Variants in SMAP1 observed in about 807,000 individuals in gnomAD.
SMAP1 encodes the protein small ArfGAP 1.
Under a neutral mutation model 58.5 loss-of-function variants are expected in SMAP1, and 24 were observed. The observed-to-expected ratio is 0.41, with a 90% confidence interval of 0.30 to 0.58. SMAP1 has a LOEUF of 0.58. Ranked by LOEUF, SMAP1 falls within the 20% of genes least tolerant of loss-of-function variation. The probability of loss-of-function intolerance (pLI) is 0.29; values close to 1 mark genes in which losing one functional copy is unlikely to be tolerated. For missense variants in SMAP1, 563 were observed against 566.3 expected, an observed-to-expected ratio of 0.99 and a Z score of 0.06; for synonymous variants, 216 against 196.6, an observed-to-expected ratio of 1.10 and a Z score of -0.82.
intron 2 of SMAP1, among the ~76,000 whole-genome samples, chr6:70,752,898 A>G (rs1766336112): frequency 6.6e-6 from 1 of 152,148 alleles, no homozygotes; most frequent in Non-Finnish European, 1.5e-5. Context: ...ACTTTTACGC[A>G]GTCACTTTTT....
chr6:70,703,852 G>C (rs1006058748), intron 1 of SMAP1, among the ~76,000 whole-genome samples: 4 of 152,186 alleles, frequency 2.6e-5, no homozygotes, highest in African/African-American at 9.7e-5. Context: ...AGGCCACTGG[G>C]CTGCCCCTGG....
chr6:70,787,234 C>G (rs1024810116), intron 4 of SMAP1, among the ~76,000 whole-genome samples: 1 of 152,188 alleles, frequency 6.6e-6, no homozygotes, highest in Non-Finnish European at 1.5e-5. Flanking sequence ...GCTGGGGAAA[C>G]TGGCTAGCCA....
chr6:70,768,811 C>T (rs930392767), intron 3 of SMAP1, among the ~76,000 whole-genome samples: 1 of 152,056 alleles, frequency 6.6e-6, no homozygotes, highest in African/African-American at 2.4e-5. Flanking sequence ...TGTGTTTGCT[C>T]TTGCTTTTCT....
At chr6:70,735,643 C>G (rs1168903505) in intron 2 of SMAP1, among the ~76,000 whole-genome samples, 2 of 152,036 alleles carry the variant, frequency 1.3e-5, no homozygotes, top group East Asian at 3.9e-4. Flanking sequence ...GTAACACACA[C>G]CCGTAGTCCC....
intron 1 of SMAP1, among the ~76,000 whole-genome samples, chr6:70,672,766 G>T (rs528950531): frequency 1.4e-4 from 21 of 152,256 alleles, no homozygotes; most frequent in African/African-American, 5.1e-4. Context: ...AGTGGCATGT[G>T]GAGTGACCCT....
intron 3 of SMAP1, among the ~76,000 whole-genome samples, chr6:70,771,916 T>C (rs1394169033): frequency 6.6e-6 from 1 of 152,192 alleles, no homozygotes; most frequent in Non-Finnish European, 1.5e-5. Context: ...ATTCATTCAC[T>C]TTTCAACCTG....
At chr6:70,820,497 G>A (rs988129265) in intron 6 of SMAP1, among the ~76,000 whole-genome samples, 5 of 152,124 alleles carry the variant, frequency 3.3e-5, no homozygotes, top group African/African-American at 1.2e-4. Flanking sequence ...GGATCATGAG[G>A]TCAGGAGATC....
intron 7 of SMAP1, among the ~76,000 whole-genome samples, chr6:70,839,935 T>C (rs1770738442): frequency 6.6e-6 from 1 of 152,160 alleles, no homozygotes; most frequent in Non-Finnish European, 1.5e-5. Context: ...GTTCTAAATC[T>C]GGATTGATGA....
At chr6:70,814,578 A>G (rs1002332966) in intron 6 of SMAP1, among the ~76,000 whole-genome samples, 2 of 151,994 alleles carry the variant, frequency 1.3e-5, no homozygotes, top group Non-Finnish European at 2.9e-5. Context: ...TTTACATCCT[A>G]TTGTTTCCTT....
At chr6:70,762,941 T>TA (rs1288970057) in intron 3 of SMAP1, among the ~76,000 whole-genome samples, 1 of 151,916 alleles carries the variant, frequency 6.6e-6, no homozygotes, top group African/African-American at 2.4e-5. Flanking sequence ...CACAGCAACA[T>TA]ACAGATAATA....
intron 6 of SMAP1, among the ~76,000 whole-genome samples, chr6:70,831,244 T>C (rs1770346272): frequency 6.6e-6 from 1 of 152,124 alleles, no homozygotes; most frequent in Non-Finnish European, 1.5e-5. Context: ...TGATTGGAAG[T>C]AGTCTTTTCT....
chr6:70,832,553 G>A lies in SMAP1; in HGVS notation c.577-4388G>A, dbSNP rs1381807755. Among the ~76,000 whole-genome samples, 4 of 152,148 alleles carry A rather than the reference G, an allele frequency of 2.6e-5. No individual in the cohort carries two copies. In the East Asian group the frequency reaches 5.8e-4, roughly 22 times the overall value. ...TTTATTCCATCTCAGTTTGTTTTGTGCTGCTGTAACAGAATAGCACAGACT... is the reference window on the plus strand; with the variant it reads ...TTTATTCCATCTCAGTTTGTTTTGTACTGCTGTAACAGAATAGCACAGACT... On this transcript the variant is annotated intron_variant, in intron 6 of 10. Coordinates refer to ENST00000370455, the MANE Select transcript of SMAP1 (RefSeq NM_001044305.3).
At chr6:70,757,734 G>A (rs1366452557) in intron 3 of SMAP1, among the ~76,000 whole-genome samples, 2 of 152,180 alleles carry the variant, frequency 1.3e-5, no homozygotes, top group Non-Finnish European at 2.9e-5. Context: ...CTTCTCAAAA[G>A]AAGACATCTA....
intron 2 of SMAP1, among the ~76,000 whole-genome samples, chr6:70,746,533 T>C (rs1766049469): frequency 6.6e-6 from 1 of 152,234 alleles, no homozygotes; most frequent in Non-Finnish European, 1.5e-5. Context: ...GACTGTATCC[T>C]GGTGGATAAG....
At chr6:70,851,954 C>T (rs918145966) in intron 7 of SMAP1, among the ~76,000 whole-genome samples, 8 of 151,986 alleles carry the variant, frequency 5.3e-5, no homozygotes, top group African/African-American at 1.4e-4. Context: ...TTTTTTCTAT[C>T]TAGTTTTCTT....
chr6:70,779,975 A>G (rs1354251605), intron 4 of SMAP1, among the ~76,000 whole-genome samples: 1 of 152,182 alleles, frequency 6.6e-6, no homozygotes, highest in African/African-American at 2.4e-5. Context: ...ATTAAGCTGC[A>G]TCTGGTGGCA....
chr6:70,737,507 G>C (rs984449741), intron 2 of SMAP1, among the ~76,000 whole-genome samples: 15 of 152,130 alleles, frequency 9.9e-5, no homozygotes, highest in African/African-American at 2.4e-5. Flanking sequence ...TTAAAGCCCA[G>C]CTTAAATCTC....
chr6:70,724,066 T>C (rs1399007972), intron 1 of SMAP1, among the ~76,000 whole-genome samples: 4 of 152,140 alleles, frequency 2.6e-5, no homozygotes, highest in Non-Finnish European at 4.4e-5. Context: ...GTCAGTCTTG[T>C]TTCAGACAAA....
Position 70,770,622 on chromosome 6 carries a change from A to G in SMAP1, c.339-2728A>G, listed in dbSNP as rs540877841. Among the ~76,000 whole-genome samples the G allele has an allele frequency of 5.9e-5, 9 of 151,934 alleles. No individual in the cohort carries two copies. In the East Asian group the frequency reaches 9.7e-4, roughly 16 times the overall value. On this transcript the variant is annotated intron_variant, in intron 3 of 10. Transcript: ENST00000370455. ...CATGAACTCCTTTAAGCCCTTCTCTATATTGGTTATTCTAGTTCTACATTC... is the reference window on the plus strand; with the variant it reads ...CATGAACTCCTTTAAGCCCTTCTCTGTATTGGTTATTCTAGTTCTACATTC...
Sources: allele counts gnomAD v4.1 joint callset (sites outside exome capture counted in the v4.1 genomes callset), GRCh38; gene constraint gnomAD v4.1.1; transcripts MANE v1.5; gene names NCBI Gene and HGNC (gene_info 2026-07-23, HGNC 2026-07-21).